ADAMTSL3: variants seen among roughly 807,000 people sequenced by gnomAD.
ADAMTSL3 encodes the protein ADAMTS-like protein 3.
ADAMTSL3 carries 128 observed loss-of-function variants against 201.7 expected under a neutral mutation model. That is an observed-to-expected ratio of 0.63 (90% CI 0.55 to 0.73). ADAMTSL3 has a LOEUF of 0.73. Ranked by LOEUF, ADAMTSL3 falls within the 30% of genes least tolerant of loss-of-function variation. The probability of loss-of-function intolerance (pLI) is 0.00; values close to 1 mark genes in which losing one functional copy is unlikely to be tolerated. For missense variants in ADAMTSL3, 1,990 were observed against 2,119.6 expected, an observed-to-expected ratio of 0.94 and a Z score of 1.20; for synonymous variants, 738 against 748.4, an observed-to-expected ratio of 0.99 and a Z score of 0.23.
At chr15:83,853,197 C>G (rs925095581) in intron 7 of ADAMTSL3, among the ~76,000 whole-genome samples, 2 of 152,252 alleles carry the variant, frequency 1.3e-5, no homozygotes, top group African/African-American at 4.8e-5. Flanking sequence ...CATATTCTAT[C>G]TTTTCTCTAG....
chr15:83,949,503 T>C (rs1295813157), intron 19 of ADAMTSL3, among the ~76,000 whole-genome samples: 1 of 152,198 alleles, frequency 6.6e-6, no homozygotes, highest in African/African-American at 2.4e-5. Context: ...TATCTGATTT[T>C]CCTTTCTTTT....
intron 23 of ADAMTSL3, among the ~76,000 whole-genome samples, chr15:83,998,427 C>T (rs775739534): frequency 1.7e-4 from 26 of 151,484 alleles, no homozygotes; most frequent in Non-Finnish European, 3.5e-4. Context: ...CCAGCCTGGG[C>T]GACAGAGCGA....
chr15:83,662,572 A>T (rs2061187967), intron 2 of ADAMTSL3, among the ~76,000 whole-genome samples: 1 of 137,128 alleles, frequency 7.3e-6, no homozygotes, highest in East Asian at 2.0e-4. Flanking sequence ...AAGTATAATA[A>T]AAAAAAAAAA....
intron 3 of ADAMTSL3, among the ~76,000 whole-genome samples, chr15:83,709,365 GT>G (rs1388408220): frequency 6.6e-6 from 1 of 152,186 alleles, no homozygotes; most frequent in African/African-American, 2.4e-5. Context: ...GAATGTATTA[GT>G]TTGGGACGAC....
At chr15:83,724,037 C>G (rs2062137584) in intron 3 of ADAMTSL3, among the ~76,000 whole-genome samples, 1 of 151,572 alleles carries the variant, frequency 6.6e-6, no homozygotes, top group African/African-American at 2.4e-5. Context: ...CTTTTTTCTA[C>G]TCCTGGTTCT....
chr15:83,827,627 G>A lies in ADAMTSL3; in HGVS notation c.600+7580G>A, dbSNP rs562617483. ...ATGGTATTGCCTAGGTTTTCTTCTA[G>A]GGTTTTTATGGTTTTAGGTCTAACA... is the stretch of plus-strand genomic sequence containing the variant. On this transcript the variant is annotated intron_variant, in intron 6 of 29. Transcript: ENST00000286744. Among the ~76,000 whole-genome samples the A allele has an allele frequency of 2.0e-5, 3 of 152,258 alleles. No homozygotes were observed. In the South Asian group the frequency reaches 6.2e-4, roughly 32 times the overall value.
At chr15:83,874,927 T>C (rs1394288851) in intron 9 of ADAMTSL3, among the ~76,000 whole-genome samples, 1 of 145,570 alleles carries the variant, frequency 6.9e-6, no homozygotes, top group African/African-American at 2.6e-5. Context: ...TTTGTCTTTC[T>C]TGTGGACCTT....
At chr15:83,693,779 C>T (rs2061643962) in intron 2 of ADAMTSL3, among the ~76,000 whole-genome samples, 1 of 152,036 alleles carries the variant, frequency 6.6e-6, no homozygotes, top group Admixed American at 6.5e-5. Flanking sequence ...AAAAGTGATT[C>T]TTGTCTGTTT....
intron 17 of ADAMTSL3, among the ~76,000 whole-genome samples, chr15:83,938,431 C>T (rs569958298): frequency 2.6e-5 from 4 of 152,282 alleles, no homozygotes; most frequent in South Asian, 2.1e-4. Flanking sequence ...TATCTAAAAA[C>T]GCCTAGAACT....
At chr15:83,830,367 C>T (rs966287165) in intron 6 of ADAMTSL3, among the ~76,000 whole-genome samples, 3 of 152,112 alleles carry the variant, frequency 2.0e-5, no homozygotes, top group Non-Finnish European at 2.9e-5. Flanking sequence ...AAGGAACTAG[C>T]ACAGGGAGAG....
chr15:83,936,572 C>A (rs1567248115), intron 17 of ADAMTSL3, among the ~76,000 whole-genome samples: 1 of 150,724 alleles, frequency 6.6e-6, no homozygotes, highest in Non-Finnish European at 1.5e-5. Context: ...TGGAAGATAA[C>A]CTAGGAAATA....
chr15:83,814,427 T>C (rs552985449), intron 5 of ADAMTSL3, among the ~76,000 whole-genome samples: 1 of 152,294 alleles, frequency 6.6e-6, no homozygotes, highest in South Asian at 2.1e-4. Flanking sequence ...TTATTTAAAC[T>C]CCCAACTTCC....
At chr15:83,884,432 GC>G (rs1368244093) in intron 9 of ADAMTSL3, among the ~76,000 whole-genome samples, 18 of 145,040 alleles carry the variant, frequency 1.2e-4, no homozygotes, top group African/African-American at 4.6e-4. Context: ...GTGGCACCAT[GC>G]TGGGCTAATT....
At chr15:83,722,364 T>C (rs918552792) in intron 3 of ADAMTSL3, among the ~76,000 whole-genome samples, 1 of 152,214 alleles carries the variant, frequency 6.6e-6, no homozygotes, top group Non-Finnish European at 1.5e-5. Context: ...AAGACAGCTT[T>C]GATTTACTAA....
intron 4 of ADAMTSL3, among the ~76,000 whole-genome samples, chr15:83,782,834 A>G (rs1038267035): frequency 6.6e-6 from 1 of 151,742 alleles, no homozygotes; most frequent in Admixed American, 6.6e-5. Flanking sequence ...GGAAAAGTTT[A>G]CCTATATAAC....
At chr15:83,720,295 A>G (rs2062082249) in intron 3 of ADAMTSL3, among the ~76,000 whole-genome samples, 1 of 152,194 alleles carries the variant, frequency 6.6e-6, no homozygotes, top group South Asian at 2.1e-4. Flanking sequence ...CTAAAATCAA[A>G]TAATGCAACT....
chr15:83,738,971 T>G (rs1051689237), intron 3 of ADAMTSL3, among the ~76,000 whole-genome samples: 4 of 149,172 alleles, frequency 2.7e-5, no homozygotes, highest in Admixed American at 2.7e-4. Flanking sequence ...TAAAATAAAA[T>G]AAAGAAAATA....
At chr15:83,903,967 A>G (rs867222685) in intron 15 of ADAMTSL3, among the ~76,000 whole-genome samples, 1,046 of 95,006 alleles carry the variant, frequency 0.011, 52 homozygotes, top group Middle Eastern at 0.026. Context: ...AAAGAAAGAA[A>G]GAAAAGGAGC....
At chr15:83,947,981 T>G (rs899497846) in intron 19 of ADAMTSL3, among the ~76,000 whole-genome samples, 13 of 152,230 alleles carry the variant, frequency 8.5e-5, no homozygotes, top group African/African-American at 3.1e-4. Flanking sequence ...CCAACACTTA[T>G]GATCATCTCT....
Sources: gnomAD v4.1 joint callset for allele counts (sites outside exome capture counted in the v4.1 genomes callset) on GRCh38, gnomAD v4.1.1 for gene constraint, MANE v1.5 for transcripts, NCBI Gene and HGNC (gene_info 2026-07-23, HGNC 2026-07-21) for gene names.